The following MYLK variants were observed in gnomAD, a reference collection of about 807,000 sequenced individuals.
MYLK encodes the protein myosin light chain kinase, smooth muscle.
In MYLK, 106 loss-of-function variants were observed where a neutral mutation model predicts 203.4. The ratio of observed to expected loss-of-function variants is 0.52; its 90% confidence interval spans 0.45 to 0.61. MYLK has a LOEUF of 0.61. MYLK is among the 20% of genes least tolerant of loss of function. The pLI is 0.00. For synonymous variants in MYLK, 867 were observed against 959.5 expected, an observed-to-expected ratio of 0.90 and a Z score of 1.78; for missense variants, 2,072 against 2,442.3, an observed-to-expected ratio of 0.85 and a Z score of 3.20.
In MYLK at chr3:123,726,093, G is replaced by A; in HGVS notation, c.1517-15C>T. 6.2e-7 allele frequency: 1 copy of A among 1,614,032 alleles called. No individual in the cohort carries two copies. Among genetic ancestry groups the A allele is most frequent in the Non-Finnish European group, 8.5e-7 (1 of 1,180,000 alleles). Reference sequence around the variant, plus strand: ...CACGGCAAGCCCTGTGAGGGAAAAGGACAGGTCAGCTCAGATCACAGCTTG... The same window carrying A: ...CACGGCAAGCCCTGTGAGGGAAAAGAACAGGTCAGCTCAGATCACAGCTTG... On this transcript the variant is annotated splice_polypyrimidine_tract_variant and intron_variant, in intron 11 of 33. Transcript: ENST00000360304.
intron 6 of MYLK, among the ~76,000 whole-genome samples, chr3:123,739,583 G>T (rs2062794682): frequency 6.6e-6 from 1 of 152,228 alleles, no homozygotes; most frequent in Admixed American, 6.5e-5. Flanking sequence ...CCCTGAGTAA[G>T]AAACAAACTT....
rs1329136447 is a variant in MYLK, at chr3:123,734,360, G to A, written c.774-138C>T. The A allele has an allele frequency of 8.2e-6, 7 of 852,806 alleles. No individual in the cohort carries two copies. The Admixed American group carries it at 2.0e-4, about 24-fold the overall frequency. 52.8% of individuals were successfully genotyped at this position (852,806 alleles called of 1,614,324 possible). On this transcript the variant is annotated intron_variant, in intron 9 of 33. Transcript: ENST00000360304. ...AAGCCCACAAGTTAAGGGCAAGTAAGAGCATCTTTCTCTGCAGTTTGCCCA... is the reference window on the plus strand; with the variant it reads ...AAGCCCACAAGTTAAGGGCAAGTAAAAGCATCTTTCTCTGCAGTTTGCCCA...
chr3:123,783,638 CA>C (rs1290944745), intron 4 of MYLK, among the ~76,000 whole-genome samples: 14 of 151,860 alleles, frequency 9.2e-5, no homozygotes, highest in African/African-American at 3.1e-4. Flanking sequence ...CTACTGTTTA[CA>C]AAAAATTCAA....
chr3:123,853,729 C>T (rs1291251358), intron 2 of MYLK, among the ~76,000 whole-genome samples: 1 of 152,048 alleles, frequency 6.6e-6, no homozygotes, highest in East Asian at 1.9e-4. Context: ...GACTTCCAAC[C>T]TGATGCTATA....
Position 123,879,884 on chromosome 3 carries a change from C to A in MYLK, c.-185-3267G>T, listed in dbSNP as rs2033417142. On this transcript the variant is annotated intron_variant, in intron 1 of 33. Coordinates refer to ENST00000360304, the MANE Select transcript of MYLK (RefSeq NM_053025.4). ...TTAGCCAGGATGGTCTCAATCTCCT[C>A]ACCTTGTGATCCACCTGCCTTGGCC... Among the ~76,000 whole-genome samples the A allele has an allele frequency of 2.6e-5, 4 of 152,264 alleles. No homozygotes were observed. The South Asian group carries it at 8.3e-4, about 32-fold the overall frequency.
chr3:123,812,301 G>A (rs1432183631), intron 3 of MYLK, among the ~76,000 whole-genome samples: 2 of 152,114 alleles, frequency 1.3e-5, no homozygotes, highest in East Asian at 1.9e-4. Context: ...AATGAGGGGC[G>A]GTCAGAACCA....
At chr3:123,622,818 G>A (rs2057942071) in intron 31 of MYLK, 1 of 152,210 alleles carries the variant, frequency 6.6e-6, no homozygotes, top group Admixed American at 6.5e-5. Context: ...ATGCCTTTGA[G>A]CTGACAATTG....
chr3:123,735,596 T>G (rs2062647737), intron 8 of MYLK, 180 bp from the exon 9 acceptor site: 1 of 668,060 alleles, frequency 1.5e-6, no homozygotes, highest in Admixed American at 2.3e-5. Flanking sequence ...TGTCAAAGCT[T>G]CAGGTTCTGT....
intron 2 of MYLK, among the ~76,000 whole-genome samples, chr3:123,864,901 T>C (rs757911289): frequency 1.3e-5 from 2 of 152,180 alleles, no homozygotes; most frequent in Non-Finnish European, 2.9e-5. Flanking sequence ...TATGTGATTG[T>C]TGCATCATCT....
intron 10 of MYLK, among the ~76,000 whole-genome samples, chr3:123,733,309 T>G (rs1247542931): frequency 1.3e-5 from 2 of 152,068 alleles, no homozygotes; most frequent in African/African-American, 2.4e-5. Context: ...GGAGGATGAA[T>G]ACAGCGTGAT....
At chr3:123,785,087 C>A (rs373696349) in intron 4 of MYLK, among the ~76,000 whole-genome samples, 41 of 152,378 alleles carry the variant, frequency 2.7e-4, no homozygotes, top group African/African-American at 8.4e-4. Context: ...ATCCTTTAAT[C>A]TCAAATATAT....
At chr3:123,750,043 T>C (rs1018482920) in intron 5 of MYLK, among the ~76,000 whole-genome samples, 1 of 152,220 alleles carries the variant, frequency 6.6e-6, no homozygotes, top group African/African-American at 2.4e-5. Context: ...AACTCATCCA[T>C]GGCAGAAGGG....
chr3:123,696,314 C>T (rs2060923655), intron 18 of MYLK, among the ~76,000 whole-genome samples: 1 of 152,122 alleles, frequency 6.6e-6, no homozygotes. Context: ...TGGGTGACAA[C>T]AGGAAGGCAT....
At chr3:123,689,803 AGAAG>A (rs1157176731) in intron 19 of MYLK, 1 of 152,238 alleles carries the variant, frequency 6.6e-6, no homozygotes, top group African/African-American at 2.4e-5. Context: ...TGCTGAGTTC[AGAAG>A]GAAGGGTGAT....
intron 5 of MYLK, among the ~76,000 whole-genome samples, chr3:123,746,190 T>C (rs2063010046): frequency 1.3e-5 from 2 of 152,080 alleles, no homozygotes; most frequent in South Asian, 2.1e-4. Context: ...AGTTCAAGTA[T>C]AAAGAATTGT....
At chr3:123,809,021 G>A (rs1454735290) in intron 3 of MYLK, among the ~76,000 whole-genome samples, 1 of 152,148 alleles carries the variant, frequency 6.6e-6, no homozygotes, top group Non-Finnish European at 1.5e-5. Flanking sequence ...GTGGACTGGA[G>A]TTCAAAGGTC....
At chr3:123,635,386 A>G (rs2108063852) in intron 29 of MYLK, among the ~76,000 whole-genome samples, 1 of 152,246 alleles carries the variant, frequency 6.6e-6, no homozygotes, top group South Asian at 2.1e-4. Context: ...TTGCCGGGGG[A>G]ACTCCCTGAC....
At chr3:123,733,293 C>A (rs1170530363) in intron 10 of MYLK, among the ~76,000 whole-genome samples, 191 bp from the exon 11 acceptor site, 3 of 152,076 alleles carry the variant, frequency 2.0e-5, no homozygotes, top group Non-Finnish European at 2.9e-5. Flanking sequence ...GAGTCAGGGG[C>A]CTTGAGGAGG....
chr3:123,831,352 C>G (rs2066320255), intron 3 of MYLK, 196 bp downstream of exon 3: 1 of 1,285,758 alleles, frequency 7.8e-7, no homozygotes. Context: ...CCAGCTAAGC[C>G]AAAATCAACA....
Sources: gnomAD v4.1 joint callset for allele counts (sites outside exome capture counted in the v4.1 genomes callset) on GRCh38, gnomAD v4.1.1 for gene constraint, MANE v1.5 for transcripts, NCBI Gene and HGNC (gene_info 2026-07-23, HGNC 2026-07-21) for gene names.